CEP43: variants seen among roughly 807,000 people sequenced by gnomAD.
CEP43 encodes centrosomal protein 43, also known as FGFR1 oncogene partner.
A neutral mutation model predicts 52.6 loss-of-function variants in CEP43; 36 were observed. That is an observed-to-expected ratio of 0.68 (90% CI 0.52 to 0.90). CEP43 has a LOEUF of 0.90. CEP43 is among the 40% of genes least tolerant of loss of function. The pLI is 0.00. For missense variants in CEP43, 506 were observed against 472.8 expected, an observed-to-expected ratio of 1.07 and a Z score of -0.65; for synonymous variants, 192 against 172.4, an observed-to-expected ratio of 1.11 and a Z score of -0.89.
In CEP43 at chr6:167,049,500, A is replaced by G. The variant is rs1005667155; in HGVS notation, c.*9522A>G. ...TTATGACTGGCTTCTTTCACTTAGC[A>G]TAATGTTTTCAAGAGTCATCTGTGT... On this transcript the variant is annotated 3_prime_UTR_variant, in exon 13 of 13. Transcript: ENST00000366847. 11 of 152,256 alleles carry G rather than the reference A, an allele frequency of 7.2e-5. 1 individual carries two copies. The highest frequency in any genetic ancestry group is 6.5e-4 in the Admixed American group (10 of 15,288). The allele number at this position is 152,256 out of a possible 1,614,324, so 9.4% of individuals were successfully genotyped here.
In CEP43 at chr6:167,019,257, GCATACACCTGCTGTGCACACA is replaced by G. The variant is rs1378307948; in HGVS notation, c.580-3131_580-3111del. Among the ~76,000 whole-genome samples, 529 of 148,214 alleles carry G rather than the reference GCATACACCTGCTGTGCACACA, an allele frequency of 3.6e-3. 1 individual carries two copies. The highest frequency in any genetic ancestry group is 0.01 in the African/African-American group (422 of 40,478). On this transcript the variant is annotated intron_variant, in intron 7 of 12. Coordinates refer to ENST00000366847, the MANE Select transcript of CEP43 (RefSeq NM_007045.4). ...ACATGCATACACCTGCTGTGCACAC[GCATACACCTGCTGTGCACACA>G]CATACACCTGCTGTGCACACGCGTA...
intron 4 of CEP43, 38 bp from the exon 5 acceptor site, chr6:167,004,226 T>A (rs768837785): frequency 3.2e-6 from 5 of 1,576,600 alleles, no homozygotes; most frequent in South Asian, 2.4e-5. Context: ...TAACTTCTGC[T>A]ATTTTTTTGT....
At position 167,030,941 on chromosome 6, in the gene CEP43, C is replaced by G. The variant is rs1478278955; in HGVS notation, c.989-1662C>G. Among the ~76,000 whole-genome samples the G allele has an allele frequency of 5.9e-5, 9 of 152,114 alleles. No individual in the cohort carries two copies. In the East Asian group the frequency reaches 1.5e-3, roughly 26 times the overall value. ...CAACCAAGCCCTAATGATCCGGCTT[C>G]TGCCAACCCTTCTGATCGCCACTCC... On this transcript the variant is annotated intron_variant, in intron 10 of 12. Coordinates refer to ENST00000366847, the MANE Select transcript of CEP43 (RefSeq NM_007045.4).
At chr6:167,034,991 G>A (rs1488982902) in intron 12 of CEP43, among the ~76,000 whole-genome samples, 1 of 152,152 alleles carries the variant, frequency 6.6e-6, no homozygotes, top group Non-Finnish European at 1.5e-5. Flanking sequence ...AACTATGAAG[G>A]ATTCTTTAAA....
chr6:167,009,580 G>A lies in CEP43; in HGVS notation c.439-1233G>A, dbSNP rs140745011. ...CTCGGGAGGTTGAGGCAAGAGAATC[G>A]CTTGAACCCGGCAGTCGGAGGTTGC... On this transcript the variant is annotated intron_variant, in intron 5 of 12. Transcript: ENST00000366847. 4.3e-3 allele frequency among the ~76,000 whole-genome samples: 626 copies of A among 145,958 alleles called. 7 individuals are homozygous for A. The highest frequency in any genetic ancestry group is 0.013 in the African/African-American group (496 of 38,992).
chr6:167,044,495 AGT>A lies in CEP43; in HGVS notation c.*4520_*4521del, dbSNP rs1408341379. 2.0e-6 allele frequency: 2 copies of A among 985,326 alleles called. No individual in the cohort carries two copies. The highest frequency in any genetic ancestry group is 2.4e-6 in the Non-Finnish European group (2 of 829,942). 61.0% of individuals were successfully genotyped at this position (985,326 alleles called of 1,614,324 possible). On this transcript the variant is annotated 3_prime_UTR_variant, in exon 13 of 13. Coordinates refer to ENST00000366847, the MANE Select transcript of CEP43 (RefSeq NM_007045.4). Reference sequence around the variant, plus strand: ...TTCCCCGAGGAAGTCAGATTGGAAAAGTGTCCTCAGGTTCAAGGAAACCTGGG... The same window carrying A: ...TTCCCCGAGGAAGTCAGATTGGAAAAGTCCTCAGGTTCAAGGAAACCTGGG...
In CEP43 at chr6:167,040,523, A is replaced by G. The variant is rs543534845; in HGVS notation, c.*545A>G. 543 of 1,119,516 alleles carry G rather than the reference A, an allele frequency of 4.9e-4. No homozygotes were observed. The highest frequency in any genetic ancestry group is 1.6e-3 in the Middle Eastern group (4 of 2,556). The allele number at this position is 1,119,516 out of a possible 1,614,324, so 69.3% of individuals were successfully genotyped here. On this transcript the variant is annotated 3_prime_UTR_variant, in exon 13 of 13. Coordinates refer to ENST00000366847, the MANE Select transcript of CEP43 (RefSeq NM_007045.4). ...TCAACTTTATTTTGTATTTCCTTCC[A>G]TTTGGAAGGTTTGTTAGACCATTAA...
intron 1 of CEP43, chr6:166,999,831 G>A (rs1473884021): frequency 1.1e-5 from 6 of 560,714 alleles, no homozygotes; most frequent in Non-Finnish European, 1.9e-5. Flanking sequence ...CGGCCCCAGC[G>A]TCTCTTCCTC....
At position 167,040,449 on chromosome 6, in the gene CEP43, G is replaced by C. The variant is rs555550105; in HGVS notation, c.*471G>C. 8.2e-7 allele frequency: 1 copy of C among 1,212,552 alleles called. No homozygotes were observed. Among genetic ancestry groups the C allele is most frequent in the Non-Finnish European group, 1.0e-6 (1 of 970,342 alleles). The allele number at this position is 1,212,552 out of a possible 1,614,324, so 75.1% of individuals were successfully genotyped here. ...CTACACATAGTTGGCAAAATGACTT[G>C]GTAAATTTGTAATGCTGAAGTATAT... On this transcript the variant is annotated 3_prime_UTR_variant, in exon 13 of 13. Transcript: ENST00000366847.
intron 10 of CEP43, among the ~76,000 whole-genome samples, chr6:167,029,884 T>C (rs148931310): frequency 0.02 from 3,072 of 152,294 alleles, 47 homozygotes; most frequent in East Asian, 0.09. Flanking sequence ...GGTTGGATCT[T>C]ACAAAGTACA....
chr6:167,036,994 G>A (rs1286665976), intron 12 of CEP43, among the ~76,000 whole-genome samples: 1 of 152,022 alleles, frequency 6.6e-6, no homozygotes, highest in Non-Finnish European at 1.5e-5. Context: ...GAGTAGAGAT[G>A]GGGTTTCACC....
intron 10 of CEP43, among the ~76,000 whole-genome samples, chr6:167,030,996 CA>C (rs1321922917): frequency 6.6e-6 from 1 of 152,154 alleles, no homozygotes; most frequent in East Asian, 1.9e-4. Flanking sequence ...TTCTGTCCCC[CA>C]AATTCATTGT....
chr6:167,036,431 G>GA, intron 12 of CEP43: 1 of 985,438 alleles, frequency 1.0e-6, no homozygotes, highest in Non-Finnish European at 1.2e-6. Flanking sequence ...AGGCCCTGGG[G>GA]AGGGTAGTCT....
intron 2 of CEP43, among the ~76,000 whole-genome samples, chr6:167,002,423 G>T (rs1779757371): frequency 1.3e-5 from 2 of 152,278 alleles, no homozygotes; most frequent in Middle Eastern, 3.4e-3. Flanking sequence ...TACAAATAAG[G>T]TTTCTGTGAA....
chr6:167,004,927 A>G (rs912857568), intron 5 of CEP43, among the ~76,000 whole-genome samples: 13 of 152,234 alleles, frequency 8.5e-5, no homozygotes, highest in Non-Finnish European at 1.8e-4. Context: ...AAACAGTTCA[A>G]ACTTACACTT....
At chr6:167,013,145 G>A (rs923076040) in intron 6 of CEP43, among the ~76,000 whole-genome samples, 1 of 152,184 alleles carries the variant, frequency 6.6e-6, no homozygotes, top group Non-Finnish European at 1.5e-5. Flanking sequence ...GTGCTCCTGA[G>A]AAAGGTCAGA....
At chr6:167,027,146 A>T (rs1228777728) in intron 10 of CEP43, among the ~76,000 whole-genome samples, 3 of 152,226 alleles carry the variant, frequency 2.0e-5, no homozygotes, top group Non-Finnish European at 2.9e-5. Context: ...AAACAGACTT[A>T]TTGAAAGAAA....
intron 10 of CEP43, among the ~76,000 whole-genome samples, chr6:167,031,429 G>A (rs552627087): frequency 6.6e-6 from 1 of 152,226 alleles, no homozygotes; most frequent in Non-Finnish European, 1.5e-5. Context: ...CCTGAGATCA[G>A]AGATACCATC....
In CEP43 at chr6:167,045,577, G is replaced by GA. The variant is rs994894384; in HGVS notation, c.*5607dup. 5 of 151,800 alleles carry GA rather than the reference G, an allele frequency of 3.3e-5. No individual in the cohort carries two copies. The highest frequency in any genetic ancestry group is 2.9e-5 in the Non-Finnish European group (2 of 67,964). 9.4% of individuals were successfully genotyped at this position (151,800 alleles called of 1,614,324 possible). ...AAAACCCATCTCTACTAAAAATACA[G>GA]AAAAAAAATGAGCTGGGTGCGATGG... On this transcript the variant is annotated 3_prime_UTR_variant, in exon 13 of 13. Coordinates refer to ENST00000366847, the MANE Select transcript of CEP43 (RefSeq NM_007045.4).
Sources: gnomAD v4.1 joint callset for allele counts (sites outside exome capture counted in the v4.1 genomes callset) on GRCh38, gnomAD v4.1.1 for gene constraint, MANE v1.5 for transcripts, NCBI Gene and HGNC (gene_info 2026-07-23, HGNC 2026-07-21) for gene names.